REPS1: variants seen among roughly 807,000 people sequenced by gnomAD.
The protein encoded by REPS1 is RALBP1 associated Eps domain containing 1.
Under a neutral mutation model 100.9 loss-of-function variants are expected in REPS1, and 39 were observed. The observed-to-expected ratio is 0.39, with a 90% CI of 0.30 to 0.50. REPS1 has a LOEUF of 0.50. Among genes scored for constraint, REPS1 ranks in the 20% least tolerant of loss-of-function variants. The pLI, the probability that REPS1 is intolerant of heterozygous loss-of-function variation, is 0.86. For missense variants in REPS1, 821 were observed against 968.5 expected (o/e 0.85, Z 2.02); for synonymous variants, 324 against 340.3 (o/e 0.95, Z 0.53).
At chr6:138,908,254 A>G (rs1684772195) in intron 18 of REPS1, among the ~76,000 whole-genome samples, 1 of 152,180 alleles carries the variant, frequency 6.6e-6, no homozygotes, top group South Asian at 2.1e-4. Flanking sequence ...CTGCTCAATT[A>G]AAGAACTAGT....
chr6:138,907,313 AGTGTGTGT>A (rs6149828), intron 19 of REPS1, 174 bp downstream of exon 19: 4 of 135,342 alleles, frequency 3.0e-5, no homozygotes, highest in South Asian at 1.9e-4. Context: ...AAAAAAAAAA[AGTGTGTGT>A]GTGTGTGTGT....
rs928052999 is a variant in REPS1 at position 138,959,379 on chromosome 6, C to T, written c.154-11466G>A. Among the ~76,000 whole-genome samples the T allele has an allele frequency of 2.6e-5, 4 of 152,208 alleles. No individual in the cohort carries two copies. The South Asian group carries it at 8.3e-4, about 32-fold the overall frequency. On this transcript the variant is annotated intron_variant, in intron 1 of 19. Transcript: ENST00000450536. Reference sequence around the variant, plus strand: ...TGAGCTGAATCACAAAACAAAAAAACTCAAAAGACACAATGACGAATGCAT... The same window carrying T: ...TGAGCTGAATCACAAAACAAAAAAATTCAAAAGACACAATGACGAATGCAT...
At chr6:138,980,261 T>C (rs1375347040) in intron 1 of REPS1, among the ~76,000 whole-genome samples, 14 of 152,242 alleles carry the variant, frequency 9.2e-5, no homozygotes, top group African/African-American at 2.7e-4. Flanking sequence ...GCATATCCAC[T>C]AGCGTATCTG....
At chr6:138,914,870 T>C (rs1780248788) in intron 14 of REPS1, 109 bp from the exon 15 acceptor site, 2 of 982,098 alleles carry the variant, frequency 2.0e-6, no homozygotes, top group Middle Eastern at 2.6e-4. Flanking sequence ...TAAGAATGTT[T>C]GTTAAGTATT....
At chr6:138,908,942 T>A in intron 17 of REPS1, 126 bp from the exon 18 acceptor site, 2 of 802,508 alleles carry the variant, frequency 2.5e-6, no homozygotes, top group Non-Finnish European at 3.9e-6. Flanking sequence ...TGTCCTACTT[T>A]AAATCTATAT....
intron 1 of REPS1, among the ~76,000 whole-genome samples, chr6:138,953,911 T>C (rs1783204160): frequency 6.6e-6 from 1 of 152,164 alleles, no homozygotes; most frequent in Non-Finnish European, 1.5e-5. Context: ...TGTGGTACTA[T>C]TCACAATAGC....
chr6:138,987,954 C>G lies in REPS1; in HGVS notation c.-272G>C. 1 of 373,726 alleles carries G rather than the reference C, an allele frequency of 2.7e-6. No homozygotes were observed. Among genetic ancestry groups the G allele is most frequent in the Non-Finnish European group, 4.6e-6 (1 of 215,226 alleles). 23.2% of individuals were successfully genotyped at this position (373,726 alleles called of 1,614,324 possible). On this transcript the variant is annotated 5_prime_UTR_variant, in exon 1 of 20. Transcript: ENST00000450536. ...ACTACGGCTCCGGCTCCGGCTCCGG[C>G]TCCGGCCGCGGGGAGGGTGCAGAGA... is the stretch of plus-strand genomic sequence containing the variant.
chr6:138,983,333 T>C (rs983157028), intron 1 of REPS1, among the ~76,000 whole-genome samples: 2 of 152,144 alleles, frequency 1.3e-5, no homozygotes, highest in South Asian at 2.1e-4. Context: ...CGCATGCCTG[T>C]AGTCCCAGCT....
intron 17 of REPS1, among the ~76,000 whole-genome samples, chr6:138,909,644 TGAGA>T (rs1485911742): frequency 6.6e-6 from 1 of 151,850 alleles, no homozygotes; most frequent in African/African-American, 2.4e-5. Context: ...GCTGTTCTTA[TGAGA>T]GTGAGGGAGT....
Position 138,926,754 on chromosome 6 carries a change from C to T in REPS1, c.1258-273G>A, listed in dbSNP as rs1781152374. The T allele has an allele frequency of 2.3e-5, 7 of 302,706 alleles. No homozygotes were observed. In the South Asian group the frequency reaches 3.4e-4, roughly 15 times the overall value. 18.8% of individuals were successfully genotyped at this position (302,706 alleles called of 1,614,324 possible). A position where few individuals can be genotyped will look rare whatever the true frequency, so the allele number is the denominator to read the frequency against. ...AAAGCCTTACAGAGTTAAAATAAAA[C>T]ACAATACAGGAGCAAAGTCTAAGTG... On this transcript the variant is annotated intron_variant, in intron 9 of 19. Transcript: ENST00000450536.
intron 8 of REPS1, among the ~76,000 whole-genome samples, chr6:138,935,112 G>A (rs1186664740): frequency 6.6e-6 from 1 of 152,074 alleles, no homozygotes; most frequent in African/African-American, 2.4e-5. Flanking sequence ...TTCACAAAAT[G>A]GAAACTTAGT....
chr6:138,943,037 C>T (rs757922691), intron 7 of REPS1, among the ~76,000 whole-genome samples: 44 of 152,186 alleles, frequency 2.9e-4, no homozygotes, highest in Non-Finnish European at 5.0e-4. Flanking sequence ...TATGAGCCAC[C>T]GCACCCGGCC....
chr6:138,968,734 A>G (rs1784150381), intron 1 of REPS1, among the ~76,000 whole-genome samples: 1 of 152,226 alleles, frequency 6.6e-6, no homozygotes, highest in Non-Finnish European at 1.5e-5. Context: ...AATGAAAACA[A>G]AACTGTAATT....
In REPS1 at chr6:138,930,062, C is replaced by T. The variant is rs1423614158; in HGVS notation, c.1172G>A (p.Gly391Asp). The T allele has an allele frequency of 6.2e-7, 1 of 1,613,308 alleles. No homozygotes were observed. Among genetic ancestry groups the T allele is most frequent in the Admixed American group, 1.7e-5 (1 of 59,970 alleles). Residue 391 changes from glycine (G) to aspartate (D), a missense_variant, in exon 9 of 20, where the codon GGC (glycine) becomes GAC (aspartate). By Grantham distance (94) the Gly-to-Asp change is moderately conservative. Coordinates refer to ENST00000450536, the MANE Select transcript of REPS1 (RefSeq NM_001286611.2). The part of the protein sequence containing the change: ...GDQPGEVGYS[G>D]SPAEAPPSKS... ...GCTTGGAGGAGCTTCAGCAGGAGAG[C>T]CTGAATAACCTACCTCACCTGGCTG...
intron 9 of REPS1, chr6:138,926,869 A>T (rs191000961): frequency 1.8e-5 from 3 of 167,958 alleles, no homozygotes; most frequent in East Asian, 3.4e-4. Flanking sequence ...TGAACATTCA[A>T]ATGTTAATGT....
At chr6:138,986,276 C>G (rs1265199973) in intron 1 of REPS1, among the ~76,000 whole-genome samples, 2 of 152,172 alleles carry the variant, frequency 1.3e-5, no homozygotes, top group Admixed American at 1.3e-4. Context: ...TTCACTGGCA[C>G]GTAAGACATC....
At chr6:138,917,755 C>A in intron 12 of REPS1, 128 bp from the exon 13 acceptor site, 1 of 687,554 alleles carries the variant, frequency 1.5e-6, no homozygotes. Context: ...AATAGGCTAA[C>A]AGTTCATCCT....
chr6:138,940,844 C>A (rs1782201628), intron 8 of REPS1, among the ~76,000 whole-genome samples: 1 of 151,890 alleles, frequency 6.6e-6, no homozygotes, highest in Admixed American at 6.6e-5. Context: ...ACAGCATTCT[C>A]TAAAATCATA....
intron 12 of REPS1, among the ~76,000 whole-genome samples, chr6:138,920,011 G>C (rs1207515038): frequency 6.6e-6 from 1 of 152,214 alleles, no homozygotes; most frequent in Non-Finnish European, 1.5e-5. Context: ...GCTACACAGA[G>C]AGGGATGGCA....
Sources: gnomAD v4.1 joint callset for allele counts (sites outside exome capture counted in the v4.1 genomes callset) on GRCh38, gnomAD v4.1.1 for gene constraint, MANE v1.5 for transcripts, NCBI Gene and HGNC (gene_info 2026-07-23, HGNC 2026-07-21) for gene names.